The following GRID2 variants were observed in gnomAD, a reference collection of about 807,000 sequenced individuals.
GRID2 encodes glutamate receptor ionotropic, delta-2.
A neutral mutation model predicts 114.8 loss-of-function variants in GRID2; 33 were observed. That is an observed-to-expected ratio of 0.29 (90% confidence interval 0.22 to 0.38). The LOEUF (loss-of-function observed/expected upper bound fraction) is 0.38, where lower values mean the gene tolerates loss of function less well. GRID2 is among the 10% of genes least tolerant of loss of function. The pLI is 1.00. For synonymous variants in GRID2, 505 were observed against 449.9 expected (o/e 1.12, Z -1.55); for missense variants, 1,184 against 1,257.7 (o/e 0.94, Z 0.89).
At chr4:93,122,621 C>T (rs1733884309) in intron 4 of GRID2, among the ~76,000 whole-genome samples, 1 of 151,792 alleles carries the variant, frequency 6.6e-6, no homozygotes, top group Non-Finnish European at 1.5e-5. Flanking sequence ...TATGGGTCAT[C>T]AAGTAGCAGA....
chr4:92,327,419 T>A (rs978344538), intron 1 of GRID2, among the ~76,000 whole-genome samples: 2 of 151,902 alleles, frequency 1.3e-5, no homozygotes, highest in Non-Finnish European at 2.9e-5. Context: ...GTTAAACAAT[T>A]TCACTCAGAT....
intron 1 of GRID2, among the ~76,000 whole-genome samples, chr4:92,307,644 A>G (rs2110104097): frequency 6.6e-6 from 1 of 152,326 alleles, no homozygotes; most frequent in Admixed American, 6.5e-5. Flanking sequence ...ATAATGGTTA[A>G]ACCATAATGA....
chr4:92,782,676 A>G (rs1739138866), intron 2 of GRID2, among the ~76,000 whole-genome samples: 1 of 152,144 alleles, frequency 6.6e-6, no homozygotes, highest in Admixed American at 6.6e-5. Flanking sequence ...ATGTATTACC[A>G]GTGATGAAAA....
At chr4:92,920,856 G>C (rs1436071062) in intron 2 of GRID2, among the ~76,000 whole-genome samples, 1 of 151,836 alleles carries the variant, frequency 6.6e-6, no homozygotes, top group Non-Finnish European at 1.5e-5. Context: ...GATTATCTTT[G>C]TGGTGTTCTC....
Position 93,255,604 on chromosome 4 carries a change from G to A in GRID2, c.1245+17114G>A, listed in dbSNP as rs1027169677. 5.3e-5 allele frequency among the ~76,000 whole-genome samples: 8 copies of A among 152,086 alleles called. No homozygotes were observed. In the East Asian group the frequency reaches 5.8e-4, roughly 11 times the overall value. On this transcript the variant is annotated intron_variant, in intron 8 of 15. Coordinates refer to ENST00000282020, the MANE Select transcript of GRID2 (RefSeq NM_001510.4). ...CTGGAATAAGTGAGTTCTCACTCTC[G>A]GAAGGCTGGATTAATTCTCATGGGA...
Position 93,110,941 on chromosome 4 carries a change from C to G in GRID2, c.723C>G (p.Ser241=), listed in dbSNP as rs1449402853. The G allele has an allele frequency of 2.8e-5, 45 of 1,604,842 alleles. No homozygotes were observed. The highest frequency in any genetic ancestry group is 3.8e-5 in the Non-Finnish European group (44 of 1,171,600). ...TTATGAATCCTGCTACAGCCAAATC[C>G]TTCATTACTGAGGTAAGTGAAAATT... is the stretch of plus-strand genomic sequence containing the variant. ...ILVMNPATAK[S]FITEVVETNL... The change falls in exon 4 of 16, where the codon TCC becomes TCG. Residue 241 remains serine (S), a synonymous_variant. Coordinates refer to ENST00000282020, the MANE Select transcript of GRID2 (RefSeq NM_001510.4).
intron 8 of GRID2, among the ~76,000 whole-genome samples, chr4:93,384,380 C>T (rs1279300834): frequency 2.0e-5 from 3 of 152,108 alleles, no homozygotes; most frequent in Non-Finnish European, 4.4e-5. Flanking sequence ...CCACACAGTG[C>T]TCTGCTTTTT....
intron 2 of GRID2, among the ~76,000 whole-genome samples, chr4:92,940,505 A>C (rs1751027380): frequency 6.6e-6 from 1 of 152,132 alleles, no homozygotes; most frequent in Admixed American, 6.6e-5. Context: ...CAATCCTGTC[A>C]TCTGCAAACA....
At chr4:92,786,063 A>C (rs1229937905) in intron 2 of GRID2, among the ~76,000 whole-genome samples, 1 of 151,858 alleles carries the variant, frequency 6.6e-6, no homozygotes, top group Non-Finnish European at 1.5e-5. Flanking sequence ...TAAAAAGTTA[A>C]AAAGAAAACA....
chr4:93,280,182 T>C (rs1752506325), intron 8 of GRID2, among the ~76,000 whole-genome samples: 1 of 151,856 alleles, frequency 6.6e-6, no homozygotes, highest in African/African-American at 2.4e-5. Flanking sequence ...AATATGGAAA[T>C]TTAGATTTTG....
intron 2 of GRID2, among the ~76,000 whole-genome samples, chr4:92,893,857 T>G (rs1746970585): frequency 6.6e-6 from 1 of 152,140 alleles, no homozygotes; most frequent in Non-Finnish European, 1.5e-5. Flanking sequence ...GAGTTGATGA[T>G]GTGTTATTTT....
At chr4:92,950,961 G>A (rs1161016897) in intron 2 of GRID2, among the ~76,000 whole-genome samples, 1 of 152,028 alleles carries the variant, frequency 6.6e-6, no homozygotes, top group African/African-American at 2.4e-5. Flanking sequence ...ACAAGGTTTG[G>A]TTCTTATTTA....
At chr4:93,513,939 T>C (rs1729443487) in intron 12 of GRID2, among the ~76,000 whole-genome samples, 1 of 152,112 alleles carries the variant, frequency 6.6e-6, no homozygotes, top group Non-Finnish European at 1.5e-5. Flanking sequence ...GCAAACTCCA[T>C]CTAGAAACAG....
chr4:92,548,419 T>TTTTTTTTTTTTTTTTTTTTTTTTA (rs1726391493), intron 1 of GRID2, among the ~76,000 whole-genome samples: 1 of 144,482 alleles, frequency 6.9e-6, no homozygotes, highest in Non-Finnish European at 1.5e-5. Context: ...TTTTTTTTTT[T>TTTTTTTTTTTTTTTTTTTTTTTTA]GAGACAGAGT....
rs144685543 is a variant in GRID2, at chr4:93,571,028, G to A, written c.2194-55241G>A. Among the ~76,000 whole-genome samples, 1,257 of 152,182 alleles carry A rather than the reference G, an allele frequency of 8.3e-3. 14 individuals carry two copies. Among genetic ancestry groups the A allele is most frequent in the African/African-American group, 0.027 (1,136 of 41,514 alleles). Reference sequence around the variant, plus strand: ...CAGCTATTTATAAAACATAGAGAGCGAGCAAGAGGGTGAGAGAGAATATTA... The same window carrying A: ...CAGCTATTTATAAAACATAGAGAGCAAGCAAGAGGGTGAGAGAGAATATTA... On this transcript the variant is annotated intron_variant, in intron 13 of 15. Coordinates refer to ENST00000282020, the MANE Select transcript of GRID2 (RefSeq NM_001510.4).
At chr4:93,063,063 TC>T (rs1388739000) in intron 2 of GRID2, among the ~76,000 whole-genome samples, 1 of 151,934 alleles carries the variant, frequency 6.6e-6, no homozygotes, top group Admixed American at 6.6e-5. Context: ...GTTTCAAGAC[TC>T]TTATCTGGTA....
intron 4 of GRID2, among the ~76,000 whole-genome samples, chr4:93,135,839 T>C (rs1166209653): frequency 2.0e-5 from 3 of 152,192 alleles, no homozygotes; most frequent in Admixed American, 1.3e-4. Flanking sequence ...GGTGTTTTGA[T>C]TTTATTCTTA....
At chr4:92,313,081 A>ATCTGTGTG (rs1725787627) in intron 1 of GRID2, among the ~76,000 whole-genome samples, 1 of 145,114 alleles carries the variant, frequency 6.9e-6, no homozygotes, top group African/African-American at 2.5e-5. Flanking sequence ...AAACTCTGAT[A>ATCTGTGTG]TGTGTGTGTG....
At chr4:92,987,436 T>C (rs1445752145) in intron 2 of GRID2, among the ~76,000 whole-genome samples, 1 of 151,948 alleles carries the variant, frequency 6.6e-6, no homozygotes, top group African/African-American at 2.4e-5. Context: ...TTATTTATAA[T>C]GTTGTGGGGG....
Sources: allele counts gnomAD v4.1 joint callset (sites outside exome capture counted in the v4.1 genomes callset), GRCh38; gene constraint gnomAD v4.1.1; transcripts MANE v1.5; gene names NCBI Gene and HGNC (gene_info 2026-07-23, HGNC 2026-07-21).